The following SMYD2 variants were observed in gnomAD, a reference collection of about 807,000 sequenced individuals.
SMYD2 encodes N-lysine methyltransferase SMYD2.
A neutral mutation model predicts 59.1 loss-of-function variants in SMYD2; 53 were observed. The observed-to-expected ratio is 0.90, with a 90% CI of 0.72 to 1.13. The LOEUF is 1.13. Ranked by LOEUF, SMYD2 falls within the 50% of genes most tolerant of loss-of-function variation. SMYD2 has a pLI of 0.00. For synonymous variants in SMYD2, 208 were observed against 198.8 expected (o/e 1.05, Z -0.39); for missense variants, 494 against 544.7 (o/e 0.91, Z 0.93).
At chr1:214,286,627 C>T (rs1340797397) in intron 1 of SMYD2, among the ~76,000 whole-genome samples, 1 of 151,214 alleles carries the variant, frequency 6.6e-6, no homozygotes, top group Admixed American at 6.6e-5. Context: ...AAAAATTAGC[C>T]AGGTGTAGTA....
chr1:214,304,615 A>C (rs1434284365), intron 1 of SMYD2, among the ~76,000 whole-genome samples: 1 of 148,576 alleles, frequency 6.7e-6, no homozygotes, highest in Non-Finnish European at 1.5e-5. Context: ...TTGCACTTTT[A>C]AACTTAGCTT....
At chr1:214,336,491 C>G (rs1270801433) in intron 11 of SMYD2, among the ~76,000 whole-genome samples, 1 of 152,184 alleles carries the variant, frequency 6.6e-6, no homozygotes, top group Non-Finnish European at 1.5e-5. Flanking sequence ...GAGATCGCAC[C>G]ACTGCACTCC....
At chr1:214,290,821 A>G (rs1385358533) in intron 1 of SMYD2, among the ~76,000 whole-genome samples, 1 of 152,218 alleles carries the variant, frequency 6.6e-6, no homozygotes, top group African/African-American at 2.4e-5. Flanking sequence ...TGTTCTGTTT[A>G]ATCTGAGTAC....
rs921618674 is a variant in SMYD2 at position 214,336,863 on chromosome 1, G to A, written c.*79G>A. ...GATTTGAATATTTCAAATTGCACAC[G>A]TCACTCCAGCATCTCTGTAAAATAA... On this transcript the variant is annotated 3_prime_UTR_variant, in exon 12 of 12. Coordinates refer to ENST00000366957, the MANE Select transcript of SMYD2 (RefSeq NM_020197.3). 15 of 1,221,808 alleles carry A rather than the reference G, an allele frequency of 1.2e-5. No homozygotes were observed. Among genetic ancestry groups the A allele is most frequent in the Admixed American group, 2.0e-5 (1 of 50,434 alleles). The allele number at this position is 1,221,808 out of a possible 1,614,324, so 75.7% of individuals were successfully genotyped here.
intron 5 of SMYD2, among the ~76,000 whole-genome samples, chr1:214,322,774 T>C (rs1204496096): frequency 6.6e-6 from 1 of 152,226 alleles, no homozygotes; most frequent in Non-Finnish European, 1.5e-5. Flanking sequence ...GCAAGTCACT[T>C]AATCATTGAA....
chr1:214,302,631 A>G (rs2102461647), intron 1 of SMYD2, among the ~76,000 whole-genome samples: 1 of 152,204 alleles, frequency 6.6e-6, no homozygotes, highest in Middle Eastern at 3.4e-3. Flanking sequence ...CCTGCTCTTT[A>G]TTATTTGTGG....
At chr1:214,319,447 A>G (rs116133357) in intron 5 of SMYD2, among the ~76,000 whole-genome samples, 1,891 of 152,300 alleles carry the variant, frequency 0.012, 22 homozygotes, top group African/African-American at 0.043. Flanking sequence ...CACTGCCGAG[A>G]GGAGCCCAAG....
chr1:214,310,685 A>C (rs1387268772), intron 2 of SMYD2, among the ~76,000 whole-genome samples: 1 of 152,196 alleles, frequency 6.6e-6, no homozygotes, highest in African/African-American at 2.4e-5. Flanking sequence ...CAGTACTGCC[A>C]GTATTCAAAA....
At chr1:214,324,505 G>T (rs1459144523) in intron 5 of SMYD2, 136 bp from the exon 6 acceptor site, 2 of 716,526 alleles carry the variant, frequency 2.8e-6, no homozygotes, top group Middle Eastern at 3.7e-4. Context: ...CGATAACATG[G>T]GCAAAAGAAA....
intron 1 of SMYD2, among the ~76,000 whole-genome samples, chr1:214,288,792 G>T (rs1656590274): frequency 6.6e-6 from 1 of 152,082 alleles, no homozygotes; most frequent in African/African-American, 2.4e-5. Context: ...AACATAAAAA[G>T]AACATGAGGC....
intron 1 of SMYD2, among the ~76,000 whole-genome samples, chr1:214,299,019 T>C (rs1006393431): frequency 2.6e-5 from 4 of 152,012 alleles, no homozygotes; most frequent in Admixed American, 2.0e-4. Context: ...GACATGGTAG[T>C]GTGTCCCTGT....
At position 214,312,798 on chromosome 1, in the gene SMYD2, G is replaced by A. The variant is rs190879133; in HGVS notation, c.238-1964G>A. ...TGTGGCCTCCTAGGTCACCTTTAGCGCTTGGCCTTTTGCCTGGATGAGAAA... is the reference window on the plus strand; with the variant it reads ...TGTGGCCTCCTAGGTCACCTTTAGCACTTGGCCTTTTGCCTGGATGAGAAA... On this transcript the variant is annotated intron_variant, in intron 2 of 11. Coordinates refer to ENST00000366957, the MANE Select transcript of SMYD2 (RefSeq NM_020197.3). The surrounding 1 kb of genome is among the most constrained non-coding windows in gnomAD (Gnocchi z 4.1). Among the ~76,000 whole-genome samples the A allele has an allele frequency of 1.5e-3, 229 of 152,298 alleles. No individual in the cohort carries two copies. The highest frequency in any genetic ancestry group is 3.1e-3 in the African/African-American group (127 of 41,568).
chr1:214,323,899 A>T (rs1657212864), intron 5 of SMYD2, among the ~76,000 whole-genome samples: 1 of 152,024 alleles, frequency 6.6e-6, no homozygotes, highest in South Asian at 2.1e-4. Context: ...CTTCATATTT[A>T]CCACCTCACC....
At chr1:214,285,988 G>GACC (rs1163767516) in intron 1 of SMYD2, among the ~76,000 whole-genome samples, 1 of 152,192 alleles carries the variant, frequency 6.6e-6, no homozygotes, top group Non-Finnish European at 1.5e-5. Context: ...ACAGTCTTAT[G>GACC]ACCACCTTTG....
chr1:214,327,286 G>A (rs1208209735), intron 6 of SMYD2, among the ~76,000 whole-genome samples: 1 of 152,250 alleles, frequency 6.6e-6, no homozygotes. Context: ...TAGTGAAGTA[G>A]CAATTAGCTG....
At chr1:214,336,652 G>A in intron 11 of SMYD2, 52 bp from the exon 12 acceptor site, 1 of 1,550,080 alleles carries the variant, frequency 6.5e-7, no homozygotes, top group Admixed American at 1.7e-5. Context: ...CTGGGTGGAG[G>A]TGTGAGGAGA....
At position 214,281,431 on chromosome 1, in the gene SMYD2, GGGCGGCGGCGGCGGC is replaced by G; in HGVS notation, c.173+13_173+27del. ...ACTGCGAGTACTGCTTCACCAGGTA[GGGCGGCGGCGGCGGC>G]GGCGGCGGGCGGGAGCCGGGGGCGC... On this transcript the variant is annotated splice_donor_5th_base_variant and intron_variant, in intron 1 of 11. Coordinates refer to ENST00000366957, the MANE Select transcript of SMYD2 (RefSeq NM_020197.3). 7.1e-7 allele frequency: 1 copy of G among 1,409,060 alleles called. No individual in the cohort carries two copies. The highest frequency in any genetic ancestry group is 1.8e-5 in the South Asian group (1 of 56,168). The allele number at this position is 1,409,060 out of a possible 1,614,324, so 87.3% of individuals were successfully genotyped here.
chr1:214,299,482 T>TATATATATATAC lies in SMYD2; in HGVS notation c.174-5704_174-5703insTATATATATACA, dbSNP rs751839365. Among the ~76,000 whole-genome samples the TATATATATATAC allele has an allele frequency of 8.1e-4, 37 of 45,918 alleles. 1 individual carries two copies. Among genetic ancestry groups the TATATATATATAC allele is most frequent in the South Asian group, 4.0e-3 (9 of 2,262 alleles). 30.1% of individuals were successfully genotyped at this position (45,918 alleles called of 152,430 possible). On this transcript the variant is annotated intron_variant, in intron 1 of 11. Coordinates refer to ENST00000366957, the MANE Select transcript of SMYD2 (RefSeq NM_020197.3). ...AGAAAACATTATATATATATATATATACACCATAGAATACTATGCAGTCAT... is the reference window on the plus strand; with the variant it reads ...AGAAAACATTATATATATATATATATATATATATATACACACCATAGAATACTATGCAGTCAT...
chr1:214,323,577 A>C (rs942681393), intron 5 of SMYD2, among the ~76,000 whole-genome samples: 2 of 152,056 alleles, frequency 1.3e-5, no homozygotes, highest in South Asian at 2.1e-4. Flanking sequence ...AACAGCTGGG[A>C]TTACAGGTGC....
Sources: allele counts gnomAD v4.1 joint callset (sites outside exome capture counted in the v4.1 genomes callset), GRCh38; gene constraint gnomAD v4.1.1; non-coding constraint Gnocchi (gnomAD v3.1); transcripts MANE v1.5; gene names NCBI Gene and HGNC (gene_info 2026-07-23, HGNC 2026-07-21).